Variants in PRKCB observed in about 807,000 individuals in gnomAD.
PRKCB encodes the protein protein kinase C beta type.
In PRKCB, 13 loss-of-function variants were observed where a neutral mutation model predicts 81.5. The ratio of observed to expected loss-of-function variants is 0.16; its 90% confidence interval spans 0.10 to 0.25. The LOEUF (loss-of-function observed/expected upper bound fraction) is 0.25. PRKCB is among the 10% of genes least tolerant of loss of function. PRKCB has a pLI of 1.00. For synonymous variants in PRKCB, 335 were observed against 321.4 expected, an observed-to-expected ratio of 1.04 and a Z score of -0.45; for missense variants, 509 against 875.7, an observed-to-expected ratio of 0.58 and a Z score of 5.29.
chr16:24,048,068 CAG>C (rs997008315), intron 5 of PRKCB, among the ~76,000 whole-genome samples: 2 of 152,244 alleles, frequency 1.3e-5, no homozygotes, highest in African/African-American at 4.8e-5. Context: ...GTGCAAGATG[CAG>C]TCGCAGCTCC....
chr16:23,861,632 C>T (rs1962666296), intron 2 of PRKCB, among the ~76,000 whole-genome samples: 1 of 152,192 alleles, frequency 6.6e-6, no homozygotes, highest in Non-Finnish European at 1.5e-5. Context: ...CCCAGGAAGG[C>T]TGTGATAGCT....
intron 2 of PRKCB, among the ~76,000 whole-genome samples, chr16:23,865,590 T>G (rs1962775865): frequency 7.0e-6 from 1 of 143,680 alleles, no homozygotes; most frequent in Admixed American, 7.1e-5. Context: ...TTTAAATTTT[T>G]ATATATAAAT....
At chr16:23,836,450 C>T in intron 1 of PRKCB, 102 bp downstream of exon 1, 1 of 1,472,684 alleles carries the variant, frequency 6.8e-7, no homozygotes, top group Non-Finnish European at 9.1e-7. Flanking sequence ...CCTCCGCACC[C>T]TGGGACCCCG....
In PRKCB at chr16:24,217,873, T is replaced by C; in HGVS notation, c.*3057T>C. ...CTTTAGGGGCCCTAACACAGTTCAG[T>C]TCATACAGGGGTTCAAAAGGGACAG... On this transcript the variant is annotated 3_prime_UTR_variant, in exon 17 of 17. Transcript: ENST00000643927. 3.0e-6 allele frequency: 3 copies of C among 985,400 alleles called. No homozygotes were observed. Among genetic ancestry groups the C allele is most frequent in the Non-Finnish European group, 3.6e-6 (3 of 829,924 alleles). 61.0% of individuals were successfully genotyped at this position (985,400 alleles called of 1,614,324 possible). A position where few individuals can be genotyped will look rare whatever the true frequency, so the allele number is the denominator to read the frequency against.
At chr16:23,849,028 T>A (rs866578659) in intron 2 of PRKCB, among the ~76,000 whole-genome samples, 4 of 152,204 alleles carry the variant, frequency 2.6e-5, no homozygotes, top group African/African-American at 9.6e-5. Flanking sequence ...TTACAGTGGA[T>A]CTTAGAGAGA....
At position 24,219,988 on chromosome 16, in the gene PRKCB, G is replaced by A. The variant is rs1207487721; in HGVS notation, c.*5172G>A. ...AGACAAGAGAGACACCTCCAACTTCGACAAAGAGTTCACCAGACAGCCTGT... is the reference window on the plus strand; with the variant it reads ...AGACAAGAGAGACACCTCCAACTTCAACAAAGAGTTCACCAGACAGCCTGT... On this transcript the variant is annotated 3_prime_UTR_variant, in exon 17 of 17. Coordinates refer to ENST00000643927, the MANE Select transcript of PRKCB (RefSeq NM_002738.7). 6.2e-7 allele frequency: 1 copy of A among 1,613,992 alleles called. No homozygotes were observed. The highest frequency in any genetic ancestry group is 8.5e-7 in the Non-Finnish European group (1 of 1,179,996).
intron 2 of PRKCB, among the ~76,000 whole-genome samples, chr16:23,935,035 G>C (rs1208312427): frequency 3.3e-5 from 5 of 152,176 alleles, no homozygotes; most frequent in African/African-American, 4.8e-5. Context: ...GGCACATCTG[G>C]AACCATTGAC....
chr16:23,964,181 A>G (rs1420164579), intron 2 of PRKCB, among the ~76,000 whole-genome samples: 1 of 152,240 alleles, frequency 6.6e-6, no homozygotes. Context: ...AGTGCTCAGT[A>G]TGTGCTCATG....
intron 2 of PRKCB, among the ~76,000 whole-genome samples, chr16:23,872,084 C>T (rs28756329): frequency 0.25 from 37,461 of 151,948 alleles, 5,154 homozygotes; most frequent in Middle Eastern, 0.35. Flanking sequence ...GGCTTTGCCA[C>T]GGCTCTTCTT....
chr16:24,057,147 T>C lies in PRKCB; in HGVS notation c.529+21600T>C, dbSNP rs574863394. ...ACAAGTGTTATATAGTTGCAGATCT[T>C]TATCTTGGATTGTTCAGACTCTGCC... On this transcript the variant is annotated intron_variant, in intron 5 of 16. Coordinates refer to ENST00000643927, the MANE Select transcript of PRKCB (RefSeq NM_002738.7). 2.9e-4 allele frequency among the ~76,000 whole-genome samples: 44 copies of C among 152,320 alleles called. 1 individual carries two copies. In the South Asian group the frequency reaches 8.5e-3, roughly 29 times the overall value.
chr16:23,855,647 G>A (rs755172283), intron 2 of PRKCB, among the ~76,000 whole-genome samples: 5 of 152,160 alleles, frequency 3.3e-5, no homozygotes, highest in Non-Finnish European at 5.9e-5. Context: ...TGGTTTATTG[G>A]GGATGTAGCT....
chr16:24,017,676 A>C (rs16973128), intron 3 of PRKCB, among the ~76,000 whole-genome samples: 4,673 of 152,288 alleles, frequency 0.031, 88 homozygotes, highest in South Asian at 0.074. Flanking sequence ...GAAAGAAACA[A>C]ACTTGAATTT....
At chr16:23,890,203 C>A (rs1963271229) in intron 2 of PRKCB, among the ~76,000 whole-genome samples, 1 of 152,164 alleles carries the variant, frequency 6.6e-6, no homozygotes, top group African/African-American at 2.4e-5. Flanking sequence ...ACACCCTGAC[C>A]TTTCACTGTC....
At chr16:24,112,860 A>C in intron 7 of PRKCB, 113 bp from the exon 8 acceptor site, 1 of 721,896 alleles carries the variant, frequency 1.4e-6, no homozygotes, top group Non-Finnish European at 2.3e-6. Context: ...AAAAACCCTC[A>C]ACGTATATTT....
rs185977261 is a variant in PRKCB, at chr16:24,216,653, C to T, written c.*1837C>T. 9,372 of 971,000 alleles carry T rather than the reference C, an allele frequency of 9.7e-3. 690 individuals are homozygous for T. The African/African-American group carries it at 0.16, about 17-fold the overall frequency. The allele number at this position is 971,000 out of a possible 1,614,324, so 60.1% of individuals were successfully genotyped here. On this transcript the variant is annotated 3_prime_UTR_variant, in exon 17 of 17. Transcript: ENST00000643927. Reference sequence around the variant, plus strand: ...CTCCTGCAGTTCATCCTTCTCTGTCCTCTTCTTGCTTCAGGCTTGGGGACC... The same window carrying T: ...CTCCTGCAGTTCATCCTTCTCTGTCTTCTTCTTGCTTCAGGCTTGGGGACC...
chr16:24,054,424 G>A (rs1331839555), intron 5 of PRKCB, among the ~76,000 whole-genome samples: 3 of 152,210 alleles, frequency 2.0e-5, no homozygotes, highest in East Asian at 3.8e-4. Flanking sequence ...TGTAGAGGAG[G>A]CAACTGAAGC....
chr16:24,094,842 A>T (rs1966419978), intron 7 of PRKCB, among the ~76,000 whole-genome samples: 1 of 149,022 alleles, frequency 6.7e-6, no homozygotes, highest in African/African-American at 2.5e-5. Flanking sequence ...GAAGGAAGGA[A>T]GGAAGGAAGG....
intron 2 of PRKCB, among the ~76,000 whole-genome samples, chr16:23,966,987 A>G (rs1180468230): frequency 1.3e-5 from 2 of 150,844 alleles, no homozygotes; most frequent in Non-Finnish European, 2.9e-5. Context: ...GAACTCTCCT[A>G]GCTTAAGAAT....
At chr16:24,112,462 C>T (rs1325728736) in intron 7 of PRKCB, among the ~76,000 whole-genome samples, 1 of 152,132 alleles carries the variant, frequency 6.6e-6, no homozygotes, top group Non-Finnish European at 1.5e-5. Flanking sequence ...CGCTTGAACC[C>T]AGGAGCTCGA....
Sources: allele counts gnomAD v4.1 joint callset (sites outside exome capture counted in the v4.1 genomes callset), GRCh38; gene constraint gnomAD v4.1.1; transcripts MANE v1.5; gene names NCBI Gene and HGNC (gene_info 2026-07-23, HGNC 2026-07-21).